The following ABLIM1 variants were observed in gnomAD, a reference collection of about 807,000 sequenced individuals.
ABLIM1 encodes the protein actin-binding LIM protein 1.
ABLIM1 carries 40 observed loss-of-function variants against 107.0 expected under a neutral mutation model. The observed-to-expected ratio is 0.37, with a 90% CI of 0.29 to 0.49. The LOEUF (loss-of-function observed/expected upper bound fraction) is 0.49, where lower values mean the gene tolerates loss of function less well. ABLIM1 is among the 20% of genes least tolerant of loss of function. The pLI, the probability that ABLIM1 is intolerant of heterozygous loss-of-function variation, is 0.97. For synonymous variants in ABLIM1, 357 were observed against 357.3 expected (o/e 1.00, Z 0.01); for missense variants, 857 against 1,008.5 (o/e 0.85, Z 2.04).
At chr10:114,633,289 T>C (rs2078294513) in intron 1 of ABLIM1, among the ~76,000 whole-genome samples, 1 of 152,184 alleles carries the variant, frequency 6.6e-6, no homozygotes, top group African/African-American at 2.4e-5. Context: ...ATGGCTGAAA[T>C]AAACTACATT....
At position 114,547,751 on chromosome 10, in the gene ABLIM1, G is replaced by C; in HGVS notation, c.699C>G (p.Ile233Met). The stretch of plus-strand genomic sequence containing the variant: ...GCGCCAGCAGCGCCTGCCCATTCTT[G>C]ATATCTCTTCCGCAGCCGGCACAAT... The part of the protein sequence containing the change: ...SSNCAGCGRD[I>M]KNGQALLALD... The change falls in exon 5 of 23, where the codon ATC (isoleucine) becomes ATG (methionine). Residue 233 changes from isoleucine to methionine, a missense_variant. Coordinates refer to ENST00000533213, the MANE Select transcript of ABLIM1 (RefSeq NM_002313.7). 1.9e-6 allele frequency: 3 copies of C among 1,611,292 alleles called. No individual in the cohort carries two copies. Among genetic ancestry groups the C allele is most frequent in the Non-Finnish European group, 2.5e-6 (3 of 1,180,020 alleles).
At chr10:114,663,147 C>A (rs904148207), upstream of ABLIM1, among the ~76,000 whole-genome samples, 6 of 152,318 alleles carry the variant, frequency 3.9e-5, no homozygotes, top group South Asian at 6.2e-4. Context: ...TCCTGAAATT[C>A]CTCAACCTCC....
rs1250600711 is a variant in ABLIM1 at position 114,704,296 on chromosome 10, CTCTCTCTA to C, written c.-213+63757_-213+63764del. Among the ~76,000 whole-genome samples, 135 of 28,862 alleles carry C rather than the reference CTCTCTCTA, an allele frequency of 4.7e-3. 1 individual carries two copies. The highest frequency in any genetic ancestry group is 0.016 in the African/African-American group (126 of 8,032). The allele number at this position is 28,862 out of a possible 152,430, so 18.9% of individuals were successfully genotyped here. A position where few individuals can be genotyped will look rare whatever the true frequency, so the allele number is the denominator to read the frequency against. On this transcript the variant is annotated intron_variant, in intron 1 of 15. Transcript: ENST00000651092. The stretch of plus-strand genomic sequence containing the variant: ...GCTCTCTCTCTCTCTCTCTCTCTCT[CTCTCTCTA>C]TATATATATATATATATATATATAT...
At chr10:114,607,849 TG>T (rs1286280153) in intron 1 of ABLIM1, among the ~76,000 whole-genome samples, 1 of 152,178 alleles carries the variant, frequency 6.6e-6, no homozygotes, top group Non-Finnish European at 1.5e-5. Context: ...GGATCCTGGA[TG>T]GGATCCCAGA....
rs575186023 is a variant in ABLIM1, at chr10:114,569,937, T to C, written c.673+1360A>G. Among the ~76,000 whole-genome samples the C allele has an allele frequency of 8.5e-5, 13 of 152,332 alleles. No homozygotes were observed. The South Asian group carries it at 2.3e-3, about 27-fold the overall frequency. On this transcript the variant is annotated intron_variant, in intron 4 of 22. Transcript: ENST00000533213. Reference sequence around the variant, plus strand: ...GTATTTTCTTCTTTCCTCCCAATGGTCAAAAATCCAATTTCTATGCAAATG... The same window carrying C: ...GTATTTTCTTCTTTCCTCCCAATGGCCAAAAATCCAATTTCTATGCAAATG...
rs1013757682 is a variant in ABLIM1, at chr10:114,432,948, T to G, written c.*3312A>C. On this transcript the variant is annotated 3_prime_UTR_variant, in exon 23 of 23. Coordinates refer to ENST00000533213, the MANE Select transcript of ABLIM1 (RefSeq NM_002313.7). ...ATAGCTAGCTGTGCAAGTTTCCCAA[T>G]GCTCTTCCTATCTCCTAATAAGTCA... 6.6e-6 allele frequency: 1 copy of G among 152,228 alleles called. No homozygotes were observed. The highest frequency in any genetic ancestry group is 1.5e-5 in the Non-Finnish European group (1 of 68,052). 9.4% of individuals were successfully genotyped at this position (152,228 alleles called of 1,614,324 possible).
At chr10:114,682,944 G>T (rs187416822) in intron 1 of ABLIM1, among the ~76,000 whole-genome samples, 5 of 152,204 alleles carry the variant, frequency 3.3e-5, no homozygotes, top group Non-Finnish European at 4.4e-5. Flanking sequence ...AAAAACAGAG[G>T]ACTTTAAATT....
At chr10:114,541,061 A>C (rs1565877456) in intron 6 of ABLIM1, among the ~76,000 whole-genome samples, 1 of 152,186 alleles carries the variant, frequency 6.6e-6, no homozygotes, top group Non-Finnish European at 1.5e-5. Flanking sequence ...GTAACAGAGA[A>C]AAGGAGACAA....
intron 17 of ABLIM1, among the ~76,000 whole-genome samples, chr10:114,442,879 C>T (rs1278652891): frequency 6.6e-6 from 1 of 152,104 alleles, no homozygotes; most frequent in Non-Finnish European, 1.5e-5. Context: ...CTCACTCTCA[C>T]CCAGGCTGGA....
chr10:114,731,370 G>A (rs1389935385), intron 1 of ABLIM1, among the ~76,000 whole-genome samples: 1 of 152,000 alleles, frequency 6.6e-6, no homozygotes, highest in Non-Finnish European at 1.5e-5. Flanking sequence ...TTGAACTCCT[G>A]ACCTCAGGTG....
intron 12 of ABLIM1, among the ~76,000 whole-genome samples, chr10:114,453,872 G>A (rs2062327353): frequency 6.6e-6 from 1 of 152,154 alleles, no homozygotes; most frequent in South Asian, 2.1e-4. Context: ...GAGCGGGCTA[G>A]GCAAACCCAA....
At chr10:114,569,054 T>C (rs2071238483) in intron 4 of ABLIM1, among the ~76,000 whole-genome samples, 1 of 151,960 alleles carries the variant, frequency 6.6e-6, no homozygotes, top group South Asian at 2.1e-4. Flanking sequence ...ATGAAGAGTA[T>C]TAGATTTAAA....
At chr10:114,546,138 T>C (rs1331416569) in intron 5 of ABLIM1, among the ~76,000 whole-genome samples, 1 of 151,768 alleles carries the variant, frequency 6.6e-6, no homozygotes, top group Non-Finnish European at 1.5e-5. Context: ...AAAAATATTA[T>C]ATCCTGTGTG....
chr10:114,566,686 G>A (rs2138575674), intron 4 of ABLIM1, among the ~76,000 whole-genome samples: 1 of 152,318 alleles, frequency 6.6e-6, no homozygotes, highest in South Asian at 2.1e-4. Flanking sequence ...TAGACTGGAT[G>A]CAGCAACAGT....
In ABLIM1 at chr10:114,690,226, C is replaced by T. The variant is rs1591831184; in HGVS notation, c.-213+77835G>A. ...GACCCAAAGCGCCCCGTGGCCTCCA[C>T]AATATTTATGCCTTCTTTCATCTTG... On this transcript the variant is annotated intron_variant, in intron 1 of 15. Coordinates refer to the ABLIM1 transcript ENST00000651092. 1.4e-5 allele frequency: 20 copies of T among 1,466,734 alleles called. No individual in the cohort carries two copies. The South Asian group carries it at 1.7e-4, about 12-fold the overall frequency. 90.9% of individuals were successfully genotyped at this position (1,466,734 alleles called of 1,614,324 possible). A position where few individuals can be genotyped will look rare whatever the true frequency, so the allele number is the denominator to read the frequency against.
intron 1 of ABLIM1, among the ~76,000 whole-genome samples, chr10:114,677,268 A>G (rs2080528165): frequency 6.6e-6 from 1 of 152,188 alleles, no homozygotes; most frequent in Admixed American, 6.5e-5. Flanking sequence ...TAGTGAAATG[A>G]ATGAAATAAA....
At chr10:114,615,780 C>T (rs186788602) in intron 1 of ABLIM1, among the ~76,000 whole-genome samples, 1 of 135,716 alleles carries the variant, frequency 7.4e-6, no homozygotes, top group East Asian at 2.2e-4. Context: ...CAACCGATGA[C>T]AAAAAATAAA....
chr10:114,573,233 G>A (rs572979227), intron 3 of ABLIM1, among the ~76,000 whole-genome samples: 1 of 152,306 alleles, frequency 6.6e-6, no homozygotes, highest in African/African-American at 2.4e-5. Flanking sequence ...GAGTTCTAAC[G>A]TTAACTTGGG....
intron 4 of ABLIM1, among the ~76,000 whole-genome samples, chr10:114,553,081 C>T (rs1418916687): frequency 7.5e-6 from 1 of 133,584 alleles, no homozygotes; most frequent in Non-Finnish European, 1.5e-5. Flanking sequence ...TCCTTGAGAA[C>T]TATTTCCGCC....
Sources: allele counts gnomAD v4.1 joint callset (sites outside exome capture counted in the v4.1 genomes callset), GRCh38; gene constraint gnomAD v4.1.1; transcripts MANE v1.5; gene names NCBI Gene and HGNC (gene_info 2026-07-23, HGNC 2026-07-21).